HDAC4: variants seen among roughly 807,000 people sequenced by gnomAD.
HDAC4 encodes histone deacetylase A.
In HDAC4, 16 loss-of-function variants were observed where a neutral mutation model predicts 135.1. The observed-to-expected ratio is 0.12, with a 90% CI of 0.08 to 0.18. The LOEUF is 0.18. Among genes scored for constraint, HDAC4 ranks in the 10% least tolerant of loss-of-function variants. The pLI is 1.00. For synonymous variants in HDAC4, 685 were observed against 653.4 expected, an observed-to-expected ratio of 1.05 and a Z score of -0.74; for missense variants, 1,143 against 1,511.8, an observed-to-expected ratio of 0.76 and a Z score of 4.05.
chr2:239,363,640 A>G (rs895024875), intron 1 of HDAC4, among the ~76,000 whole-genome samples: 15 of 152,364 alleles, frequency 9.8e-5, no homozygotes, highest in African/African-American at 3.6e-4. Flanking sequence ...CCTGGTCTAA[A>G]AGACAACAAC....
At chr2:239,320,902 A>G (rs1414947984) in intron 2 of HDAC4, among the ~76,000 whole-genome samples, 5 of 152,256 alleles carry the variant, frequency 3.3e-5, no homozygotes. Context: ...AAAATCAATT[A>G]TGAAAACTGA....
intron 22 of HDAC4, among the ~76,000 whole-genome samples, chr2:239,078,009 T>C (rs1281891403): frequency 6.6e-6 from 1 of 152,138 alleles, no homozygotes; most frequent in Non-Finnish European, 1.5e-5. Context: ...CTTCGTAATA[T>C]CACAGTGGAA....
intron 16 of HDAC4, among the ~76,000 whole-genome samples, chr2:239,102,006 C>T (rs534127476): frequency 3.4e-5 from 5 of 145,462 alleles, no homozygotes; most frequent in Non-Finnish European, 6.1e-5. Flanking sequence ...ACGTTCTGTG[C>T]CCTGGAAGCC....
intron 12 of HDAC4, among the ~76,000 whole-genome samples, chr2:239,123,433 G>A (rs574722024): frequency 1.1e-4 from 17 of 152,310 alleles, no homozygotes; most frequent in African/African-American, 4.1e-4. Context: ...GTGGTGTCCA[G>A]TGGGCAGCAG....
At chr2:239,222,409 T>G (rs946414829) in intron 3 of HDAC4, among the ~76,000 whole-genome samples, 8 of 152,162 alleles carry the variant, frequency 5.3e-5, no homozygotes, top group Admixed American at 5.2e-4. Context: ...TTGGAAATAT[T>G]TGCAAGCTCA....
intron 22 of HDAC4, among the ~76,000 whole-genome samples, chr2:239,072,055 T>C (rs985838259): frequency 1.3e-5 from 2 of 152,212 alleles, no homozygotes; most frequent in East Asian, 1.9e-4. Context: ...CTTTGGGGCA[T>C]TGTCCCCATA....
Position 239,240,141 on chromosome 2 carries a change from G to A in HDAC4, c.23-3477C>T, listed in dbSNP as rs2153188619. 1.3e-5 allele frequency among the ~76,000 whole-genome samples: 2 copies of A among 152,376 alleles called. No homozygotes were observed. Among genetic ancestry groups the A allele is most frequent in the South Asian group, 4.1e-4 (2 of 4,830 alleles). ...AGGCGTTTTGCCAGAGGTGGCTGGTGGAACACAATCCTGGGGGTAAAGCAG... is the reference window on the plus strand; with the variant it reads ...AGGCGTTTTGCCAGAGGTGGCTGGTAGAACACAATCCTGGGGGTAAAGCAG... On this transcript the variant is annotated intron_variant, in intron 2 of 26. Coordinates refer to ENST00000543185, the MANE Select transcript of HDAC4 (RefSeq NM_001378414.1). This position sits in a 1 kb window ranked among gnomAD's most constrained non-coding sequence, Gnocchi z 4.5.
In HDAC4 at chr2:239,144,567, TG is replaced by T; in HGVS notation, c.865+15del. On this transcript the variant is annotated intron_variant, in intron 8 of 26. Coordinates refer to ENST00000543185, the MANE Select transcript of HDAC4 (RefSeq NM_001378414.1). ...GAGAGGGCAGCGGGGCGGGTGTACC[TG>T]CTCAGCCGACATACCTGTGACATCC... 6.2e-7 allele frequency: 1 copy of T among 1,613,142 alleles called. No individual in the cohort carries two copies. Among genetic ancestry groups the T allele is most frequent in the African/African-American group, 1.3e-5 (1 of 75,036 alleles).
intron 15 of HDAC4, 100 bp downstream of exon 15, chr2:239,107,950 A>C: frequency 6.8e-7 from 1 of 1,477,446 alleles, no homozygotes; most frequent in Non-Finnish European, 9.3e-7. Context: ...AGCCCAAAGA[A>C]CCACCTGCAA....
chr2:239,316,479 G>T (rs1219455748), intron 2 of HDAC4, among the ~76,000 whole-genome samples: 1 of 152,154 alleles, frequency 6.6e-6, no homozygotes, highest in African/African-American at 2.4e-5. Flanking sequence ...ATGGTAGCAC[G>T]GGCCTGTAGT....
At chr2:239,370,610 G>A (rs1175450064) in intron 1 of HDAC4, among the ~76,000 whole-genome samples, 2 of 152,202 alleles carry the variant, frequency 1.3e-5, no homozygotes, top group African/African-American at 4.8e-5. Context: ...ATGGTTAACG[G>A]CAACAGATAG....
intron 2 of HDAC4, among the ~76,000 whole-genome samples, chr2:239,297,655 G>C (rs992281986): frequency 2.0e-5 from 3 of 152,160 alleles, no homozygotes; most frequent in Non-Finnish European, 4.4e-5. Context: ...CAATGGTAGC[G>C]CCCATCACAG....
At chr2:239,086,405 C>T (rs1388582393) in intron 19 of HDAC4, among the ~76,000 whole-genome samples, 1 of 150,202 alleles carries the variant, frequency 6.7e-6, no homozygotes, top group Non-Finnish European at 1.5e-5. Context: ...GACTATCTCT[C>T]ACGTACAGTC....
chr2:239,337,110 T>C (rs1691989779), intron 2 of HDAC4, among the ~76,000 whole-genome samples: 1 of 152,168 alleles, frequency 6.6e-6, no homozygotes, highest in South Asian at 2.1e-4. Context: ...GCCATTCTCA[T>C]CATATGAATT....
At position 239,306,460 on chromosome 2, in the gene HDAC4, T is replaced by C. The variant is rs1397924597; in HGVS notation, c.22+46218A>G. Among the ~76,000 whole-genome samples the C allele has an allele frequency of 1.3e-5, 2 of 152,118 alleles. No homozygotes were observed. The highest frequency in any genetic ancestry group is 2.4e-5 in the African/African-American group (1 of 41,522). On this transcript the variant is annotated intron_variant, in intron 2 of 26. Transcript: ENST00000543185. The surrounding 1 kb of genome is among the most constrained non-coding windows in gnomAD (Gnocchi z 4.5). The stretch of plus-strand genomic sequence containing the variant: ...GTGCCAGCAAGGACTGACTAATACC[T>C]GACCCAGGGCCAAGCTATCCTGTGT...
At chr2:239,155,878 C>T (rs1341154785) in intron 7 of HDAC4, among the ~76,000 whole-genome samples, 1 of 152,202 alleles carries the variant, frequency 6.6e-6, no homozygotes, top group Non-Finnish European at 1.5e-5. Flanking sequence ...AGCACCTGCT[C>T]CAGCTCCTGC....
chr2:239,177,923 G>A (rs1166655178), intron 4 of HDAC4, among the ~76,000 whole-genome samples: 1 of 152,234 alleles, frequency 6.6e-6, no homozygotes, highest in Non-Finnish European at 1.5e-5. Context: ...ACGAGTGTGG[G>A]AAGGTGCAAC....
chr2:239,192,615 C>G (rs2045067669), intron 3 of HDAC4, among the ~76,000 whole-genome samples: 1 of 152,206 alleles, frequency 6.6e-6, no homozygotes, highest in Non-Finnish European at 1.5e-5. Flanking sequence ...CTCTCACAAG[C>G]ACGGCGGTGC....
At chr2:239,335,076 C>G (rs1691841365) in intron 2 of HDAC4, among the ~76,000 whole-genome samples, 1 of 145,420 alleles carries the variant, frequency 6.9e-6, no homozygotes, top group Admixed American at 6.8e-5. Flanking sequence ...CTAAAAAGAA[C>G]CAAAACAAGC....
Sources: gnomAD v4.1 joint callset for allele counts (sites outside exome capture counted in the v4.1 genomes callset) on GRCh38, gnomAD v4.1.1 for gene constraint, Gnocchi (gnomAD v3.1) non-coding constraint, MANE v1.5 for transcripts, NCBI Gene and HGNC (gene_info 2026-07-23, HGNC 2026-07-21) for gene names.